Variants in SI observed in about 807,000 individuals in gnomAD.
SI encodes sucrase-isomaltase.
A neutral mutation model predicts 253.3 loss-of-function variants in SI; 235 were observed. The observed-to-expected ratio is 0.93, with a 90% confidence interval of 0.83 to 1.03. The LOEUF (loss-of-function observed/expected upper bound fraction) is 1.03. Ranked by LOEUF, SI falls within the 50% of genes least tolerant of loss-of-function variation. The probability of loss-of-function intolerance (pLI) is 0.00; values close to 1 mark genes in which losing one functional copy is unlikely to be tolerated. For synonymous variants in SI, 819 were observed against 712.0 expected, an observed-to-expected ratio of 1.15 and a Z score of -2.39; for missense variants, 2,442 against 2,211.1, an observed-to-expected ratio of 1.10 and a Z score of -2.09.
intron 35 of SI, 92 bp from the exon 36 acceptor site, chr3:165,008,090 A>G: frequency 4.4e-6 from 3 of 682,070 alleles, no homozygotes; most frequent in Non-Finnish European, 8.1e-6. Flanking sequence ...GTAGGTTAAC[A>G]TATTTGAACA....
intron 25 of SI, among the ~76,000 whole-genome samples, chr3:165,029,631 C>CA (rs1559997160): frequency 4.9e-5 from 7 of 141,664 alleles, no homozygotes; most frequent in African/African-American, 1.8e-4. Context: ...TAACATTAGC[C>CA]TTATATATAT....
intron 3 of SI, among the ~76,000 whole-genome samples, chr3:165,072,194 T>G (rs761130722): frequency 1.2e-4 from 19 of 152,054 alleles, no homozygotes; most frequent in Admixed American, 6.6e-4. Context: ...AAATCATTAC[T>G]TTAACCAACT....
intron 2 of SI, 52 bp from the exon 3 acceptor site, chr3:165,074,719 C>A: frequency 7.0e-7 from 1 of 1,428,674 alleles, no homozygotes; most frequent in East Asian, 2.3e-5. Flanking sequence ...AATTAATTTT[C>A]TCAGAATTAT....
At chr3:165,008,137 T>G (rs548045065) in intron 35 of SI, 139 bp from the exon 36 acceptor site, 43 of 506,228 alleles carry the variant, frequency 8.5e-5, no homozygotes, top group Admixed American at 1.7e-4. Flanking sequence ...CAAACAAAAT[T>G]GTAAAACATC....
intron 37 of SI, among the ~76,000 whole-genome samples, chr3:165,005,166 C>T (rs1281779529): frequency 6.6e-6 from 1 of 151,958 alleles, no homozygotes; most frequent in Non-Finnish European, 1.5e-5. Context: ...AAATAAACAT[C>T]TTTAAATTAC....
At chr3:164,989,521 G>A (rs1032382094) in intron 44 of SI, among the ~76,000 whole-genome samples, 2 of 151,898 alleles carry the variant, frequency 1.3e-5, no homozygotes, top group African/African-American at 2.4e-5. Flanking sequence ...AGAGAAACAG[G>A]TCTGGTTCCT....
intron 44 of SI, among the ~76,000 whole-genome samples, chr3:164,990,632 C>A (rs1717684430): frequency 6.6e-6 from 1 of 152,010 alleles, no homozygotes. Context: ...TCATTCTCAG[C>A]AAACTGTCGC....
At position 165,007,116 on chromosome 3, in the gene SI, C is replaced by A. The variant is rs11925806; in HGVS notation, c.4268-162G>T. On this transcript the variant is annotated intron_variant, in intron 36 of 47. Coordinates refer to ENST00000264382, the MANE Select transcript of SI (RefSeq NM_001041.4). ...ATACTTTGTATGAGTTAATTATCAA[C>A]TTAAAATGGCCTGAAATTGTAACTG... 6.6e-4 allele frequency among the ~76,000 whole-genome samples: 100 copies of A among 152,196 alleles called. 2 individuals carry two copies. The highest frequency in any genetic ancestry group is 2.1e-3 in the African/African-American group (87 of 41,542).
At chr3:165,033,509 C>T in intron 22 of SI, 65 bp from the exon 23 acceptor site, 3 of 1,350,118 alleles carry the variant, frequency 2.2e-6, no homozygotes, top group Middle Eastern at 2.0e-4. Flanking sequence ...TGGTTTTACA[C>T]TTATACAACA....
At position 165,060,709 on chromosome 3, in the gene SI, A is replaced by C. The variant is rs961069421; in HGVS notation, c.1021-682T>G. ...ACAGATGATATAATTTTGCACATGG[A>C]AATTTGGATGTAACTGGTGTTTTTT... On this transcript the variant is annotated intron_variant, in intron 9 of 47. Coordinates refer to ENST00000264382, the MANE Select transcript of SI (RefSeq NM_001041.4). Among the ~76,000 whole-genome samples, 8 of 150,522 alleles carry C rather than the reference A, an allele frequency of 5.3e-5. No homozygotes were observed. The East Asian group carries it at 1.5e-3, about 29-fold the overall frequency.
chr3:165,024,837 T>C (rs1044713646), intron 25 of SI, among the ~76,000 whole-genome samples: 4 of 151,240 alleles, frequency 2.6e-5, no homozygotes, highest in African/African-American at 7.3e-5. Flanking sequence ...AATTTGTCCC[T>C]TGATTTTCTC....
At position 165,067,448 on chromosome 3, in the gene SI, T is replaced by C. The variant is rs750558009; in HGVS notation, c.527A>G (p.Tyr176Cys). Residue 176 changes from tyrosine to cysteine, a missense_variant, in exon 6 of 48, where the codon TAT (tyrosine) becomes TGT (cysteine). Physicochemically the swap from Tyr to Cys is radical, Grantham distance 194. Coordinates refer to ENST00000264382, the MANE Select transcript of SI (RefSeq NM_001041.4). Reference protein sequence around the residue: ...NNRRYEVPHQYVKEFTGPTVS... With the variant: ...NNRRYEVPHQCVKEFTGPTVS... The stretch of plus-strand genomic sequence containing the variant: ...TGTGGGTCCAGTAAACTCTTTTACA[T>C]ACTGATGAGGAACTTCATATCTTCT... 1.2e-6 allele frequency: 2 copies of C among 1,611,844 alleles called. No individual in the cohort carries two copies. Among genetic ancestry groups the C allele is most frequent in the South Asian group, 1.1e-5 (1 of 91,032 alleles).
intron 47 of SI, among the ~76,000 whole-genome samples, chr3:164,980,271 T>C (rs189805703): frequency 6.6e-6 from 1 of 152,064 alleles, no homozygotes. Context: ...AGTTAAATAA[T>C]TGAGTATTCG....
chr3:165,018,159 C>G, intron 28 of SI, 93 bp from the exon 29 acceptor site: 1 of 779,094 alleles, frequency 1.3e-6, no homozygotes, highest in East Asian at 2.7e-5. Flanking sequence ...ACAATCGAGA[C>G]TTGATATTTA....
chr3:164,997,213 G>A (rs553571391), intron 38 of SI, among the ~76,000 whole-genome samples: 2 of 151,680 alleles, frequency 1.3e-5, no homozygotes, highest in African/African-American at 4.8e-5. Flanking sequence ...CCTTTAAGGA[G>A]TAATCAATTC....
At chr3:165,050,897 C>G (rs1055424637) in intron 13 of SI, among the ~76,000 whole-genome samples, 3 of 152,016 alleles carry the variant, frequency 2.0e-5, no homozygotes, top group Non-Finnish European at 4.4e-5. Context: ...CTCCCTTTAA[C>G]CTTAACACTC....
At chr3:165,039,859 A>G (rs1322328899) in intron 19 of SI, 28 bp downstream of exon 19, 2 of 1,489,718 alleles carry the variant, frequency 1.3e-6, no homozygotes, top group Middle Eastern at 1.7e-4. Flanking sequence ...AGTTCAAACA[A>G]TAAGGTTATT....
chr3:164,988,999 T>C (rs1192979447), intron 44 of SI, among the ~76,000 whole-genome samples: 1 of 151,958 alleles, frequency 6.6e-6, no homozygotes, highest in Non-Finnish European at 1.5e-5. Context: ...GATGAGCTAA[T>C]GGGTGCAGCA....
At chr3:165,081,413 G>C (rs370553496), upstream of SI, among the ~76,000 whole-genome samples, 3 of 151,976 alleles carry the variant, frequency 2.0e-5, 1 homozygote, top group East Asian at 3.9e-4. Context: ...ACTCTCTTTA[G>C]GGAGTATTAT....
Sources: gnomAD v4.1 joint callset for allele counts (sites outside exome capture counted in the v4.1 genomes callset) on GRCh38, gnomAD v4.1.1 for gene constraint, MANE v1.5 for transcripts, NCBI Gene and HGNC (gene_info 2026-07-23, HGNC 2026-07-21) for gene names.